The following LUC7L3 variants were observed in gnomAD, a reference collection of about 807,000 sequenced individuals.
LUC7L3 encodes LUC7 like 3 pre-mRNA splicing factor.
In LUC7L3, 6 loss-of-function variants were observed where a neutral mutation model predicts 66.8. The ratio of observed to expected loss-of-function variants is 0.09; its 90% CI spans 0.05 to 0.18. LUC7L3 has a LOEUF of 0.18. LUC7L3 is among the 10% of genes least tolerant of loss of function. The pLI, the probability that LUC7L3 is intolerant of heterozygous loss-of-function variation, is 1.00. For synonymous variants in LUC7L3, 160 were observed against 174.7 expected (o/e 0.92, Z 0.66); for missense variants, 341 against 531.1 (o/e 0.64, Z 3.52).
chr17:50,736,926 C>T (rs1251427691), intron 1 of LUC7L3, 34 bp from the exon 2 acceptor site: 3 of 1,430,048 alleles, frequency 2.1e-6, no homozygotes, highest in Non-Finnish European at 2.9e-6. Context: ...TAAAACCAAG[C>T]AATTTTTTAA....
At chr17:50,748,217 A>G (rs1970796978) in intron 9 of LUC7L3, among the ~76,000 whole-genome samples, 1 of 152,242 alleles carries the variant, frequency 6.6e-6, no homozygotes, top group Non-Finnish European at 1.5e-5. Context: ...TGGCCTGACT[A>G]AAAACAGGCA....
chr17:50,732,490 T>G (rs1969673886), intron 1 of LUC7L3, among the ~76,000 whole-genome samples: 1 of 151,888 alleles, frequency 6.6e-6, no homozygotes, highest in Non-Finnish European at 1.5e-5. Flanking sequence ...CCAACGACCC[T>G]TCCACCCTAG....
At chr17:50,740,671 G>GC (rs1429976665) in intron 3 of LUC7L3, among the ~76,000 whole-genome samples, 4 of 152,140 alleles carry the variant, frequency 2.6e-5, no homozygotes, top group Non-Finnish European at 2.9e-5. Flanking sequence ...GGATTCTCCT[G>GC]CCTCAAACTC....
In LUC7L3 at chr17:50,741,683, A is replaced by G; in HGVS notation, c.378A>G (p.Glu126=). The change falls in exon 5 of 10, where the codon GAA becomes GAG. Residue 126 remains glutamate (E), a synonymous_variant. Transcript: ENST00000505658. ...SGAAGPTGKN[E]EKIQVLTDKI... ...CCGCTGGCCCAACAGGCAAAAATGA[A>G]GAAAAAATTCAGGTTCTAACAGACA... The G allele has an allele frequency of 1.2e-6, 2 of 1,614,006 alleles. No individual in the cohort carries two copies. The highest frequency in any genetic ancestry group is 2.2e-5 in the East Asian group (1 of 44,894).
intron 1 of LUC7L3, among the ~76,000 whole-genome samples, chr17:50,727,673 G>A (rs1273946711): frequency 2.0e-5 from 3 of 152,162 alleles, no homozygotes; most frequent in Admixed American, 1.3e-4. Flanking sequence ...TGAGGGAGAG[G>A]AGAGAGAAGA....
At chr17:50,720,071 A>G (rs1175596965) in intron 1 of LUC7L3, among the ~76,000 whole-genome samples, 1 of 152,208 alleles carries the variant, frequency 6.6e-6, no homozygotes, top group Non-Finnish European at 1.5e-5. Flanking sequence ...ATTGAAAAGC[A>G]CCTTGATGAG....
chr17:50,726,517 G>C (rs911491110), intron 1 of LUC7L3, among the ~76,000 whole-genome samples: 4 of 152,090 alleles, frequency 2.6e-5, no homozygotes, highest in African/African-American at 9.7e-5. Flanking sequence ...AGACCCATAC[G>C]AAGTGCAGCT....
intron 2 of LUC7L3, chr17:50,737,415 T>TACTAAAC: frequency 2.3e-6 from 1 of 440,390 alleles, no homozygotes. Context: ...CAGAAGGGGA[T>TACTAAAC]ACTAAACAGA....
At position 50,751,047 on chromosome 17, in the gene LUC7L3, A is replaced by G. The variant is rs1970955877; in HGVS notation, c.*386A>G. 1 of 1,425,162 alleles carries G rather than the reference A, an allele frequency of 7.0e-7. No homozygotes were observed. The highest frequency in any genetic ancestry group is 9.1e-7 in the Non-Finnish European group (1 of 1,097,904). The allele number at this position is 1,425,162 out of a possible 1,614,324, so 88.3% of individuals were successfully genotyped here. On this transcript the variant is annotated 3_prime_UTR_variant, in exon 10 of 10. Coordinates refer to ENST00000505658, the MANE Select transcript of LUC7L3 (RefSeq NM_016424.5). ...TGTTTTTTTTTTTCTTTTTGGTATT[A>G]AGTCCATCTTGTGTTGGTACATTGG...
Position 50,750,858 on chromosome 17 carries a change from T to G in LUC7L3, c.*197T>G. 1 of 1,537,440 alleles carries G rather than the reference T, an allele frequency of 6.5e-7. No individual in the cohort carries two copies. The highest frequency in any genetic ancestry group is 2.4e-5 in the East Asian group (1 of 40,912). On this transcript the variant is annotated 3_prime_UTR_variant, in exon 10 of 10. Transcript: ENST00000505658. ...GTCCTGCAAAACATTTTGAGGTACA[T>G]TGTTTTGTCTCAGCTATTTTGTAGC...
intron 7 of LUC7L3, among the ~76,000 whole-genome samples, chr17:50,745,221 G>T (rs1263886205): frequency 6.6e-6 from 1 of 151,916 alleles, no homozygotes; most frequent in Non-Finnish European, 1.5e-5. Flanking sequence ...TTGAACTCCT[G>T]CCTCAGGTGA....
At chr17:50,741,543 C>A in intron 4 of LUC7L3, 114 bp from the exon 5 acceptor site, 3 of 640,250 alleles carry the variant, frequency 4.7e-6, no homozygotes, top group East Asian at 5.7e-5. Flanking sequence ...AATTACTATC[C>A]TTTCAATTAA....
chr17:50,737,191 ATGTC>A, intron 2 of LUC7L3, 165 bp downstream of exon 2: 1 of 639,972 alleles, frequency 1.6e-6, no homozygotes, highest in East Asian at 2.8e-5. Context: ...GTATTAATAA[ATGTC>A]AGTCTGATTA....
chr17:50,753,347 T>G lies in LUC7L3; in HGVS notation c.*2686T>G, dbSNP rs1283516733. 6.6e-6 allele frequency: 1 copy of G among 152,614 alleles called. No homozygotes were observed. Among genetic ancestry groups the G allele is most frequent in the East Asian group, 1.9e-4 (1 of 5,200 alleles). The allele number at this position is 152,614 out of a possible 1,614,324, so 9.5% of individuals were successfully genotyped here. A position where few individuals can be genotyped will look rare whatever the true frequency, so the allele number is the denominator to read the frequency against. On this transcript the variant is annotated 3_prime_UTR_variant, in exon 10 of 10. Coordinates refer to ENST00000505658, the MANE Select transcript of LUC7L3 (RefSeq NM_016424.5). ...CCAGGGAGGGTCCTGTGGCTTCATG[T>G]TTATGGAGTTGCTAGGTCTCTGCCT... is the stretch of plus-strand genomic sequence containing the variant.
intron 2 of LUC7L3, chr17:50,738,033 G>C (rs754754068): frequency 7.6e-6 from 3 of 392,764 alleles, no homozygotes; most frequent in Non-Finnish European, 1.5e-5. Flanking sequence ...GCAGTAGTAA[G>C]TTAAAAAAAG....
At position 50,723,660 on chromosome 17, in the gene LUC7L3, CCT is replaced by C. The variant is rs1491502520; in HGVS notation, c.99+3830_99+3831del. On this transcript the variant is annotated intron_variant, in intron 1 of 9. Coordinates refer to ENST00000505658, the MANE Select transcript of LUC7L3 (RefSeq NM_016424.5). ...TTCTACCCTGCTCCCTGCCCCCCCC[CCT>C]TTTTTTTTTTGAGACAGAGTCTAGC... is the stretch of plus-strand genomic sequence containing the variant. The C allele has an allele frequency of 2.2e-3, 385 of 173,466 alleles. 1 individual carries two copies. Among genetic ancestry groups the C allele is most frequent in the South Asian group, 6.7e-3 (66 of 9,812 alleles). The allele number at this position is 173,466 out of a possible 1,614,324, so 10.7% of individuals were successfully genotyped here. A position where few individuals can be genotyped will look rare whatever the true frequency, so the allele number is the denominator to read the frequency against.
rs1971071018 is a variant in LUC7L3, at chr17:50,754,332, G to A, written c.*3671G>A. The A allele has an allele frequency of 6.6e-6, 1 of 152,062 alleles. No homozygotes were observed. 9.4% of individuals were successfully genotyped at this position (152,062 alleles called of 1,614,324 possible). Reference sequence around the variant, plus strand: ...TTAACTCATCACCAACAAGACTCATGACCACTTTTATACTTCATGAGTGAT... The same window carrying A: ...TTAACTCATCACCAACAAGACTCATAACCACTTTTATACTTCATGAGTGAT... On this transcript the variant is annotated 3_prime_UTR_variant, in exon 10 of 10. Coordinates refer to ENST00000505658, the MANE Select transcript of LUC7L3 (RefSeq NM_016424.5).
At position 50,751,962 on chromosome 17, in the gene LUC7L3, A is replaced by T; in HGVS notation, c.*1301A>T. On this transcript the variant is annotated 3_prime_UTR_variant, in exon 10 of 10. Transcript: ENST00000505658. Reference sequence around the variant, plus strand: ...ACCAATTAGTTGATTTGTTGGTGGCATTCCCCTTTTGGGAAAGCAATGTAA... The same window carrying T: ...ACCAATTAGTTGATTTGTTGGTGGCTTTCCCCTTTTGGGAAAGCAATGTAA... The T allele has an allele frequency of 3.9e-6, 4 of 1,027,196 alleles. No individual in the cohort carries two copies. Among genetic ancestry groups the T allele is most frequent in the Non-Finnish European group, 4.7e-6 (4 of 854,662 alleles). The allele number at this position is 1,027,196 out of a possible 1,614,324, so 63.6% of individuals were successfully genotyped here.
In LUC7L3 at chr17:50,752,410, A is replaced by T; in HGVS notation, c.*1749A>T. On this transcript the variant is annotated 3_prime_UTR_variant, in exon 10 of 10. Transcript: ENST00000505658. ...TGTGTTAATAGTATATATGCCACTG[A>T]AAACTTAGGTCCTGTATCATACTTT... is the stretch of plus-strand genomic sequence containing the variant. The T allele has an allele frequency of 4.0e-6, 1 of 248,104 alleles. No individual in the cohort carries two copies. The highest frequency in any genetic ancestry group is 5.2e-5 in the South Asian group (1 of 19,082). 15.4% of individuals were successfully genotyped at this position (248,104 alleles called of 1,614,324 possible).
Sources: allele counts gnomAD v4.1 joint callset (sites outside exome capture counted in the v4.1 genomes callset), GRCh38; gene constraint gnomAD v4.1.1; transcripts MANE v1.5; gene names NCBI Gene and HGNC (gene_info 2026-07-23, HGNC 2026-07-21).